Variants in DPP10 observed in about 807,000 individuals in gnomAD.
DPP10 encodes the protein dipeptidyl peptidase like 10, also known as inactive dipeptidyl peptidase 10.
In DPP10, 33 loss-of-function variants were observed where a neutral mutation model predicts 120.9. That is an observed-to-expected ratio of 0.27 (90% CI 0.21 to 0.37). DPP10 has a LOEUF of 0.37. Ranked by LOEUF, DPP10 falls within the 10% of genes least tolerant of loss-of-function variation. The probability of loss-of-function intolerance (pLI) is 1.00; values close to 1 mark genes in which losing one functional copy is unlikely to be tolerated. For missense variants in DPP10, 816 were observed against 942.8 expected (o/e 0.87, Z 1.76); for synonymous variants, 337 against 326.1 (o/e 1.03, Z -0.36).
intron 3 of DPP10, among the ~76,000 whole-genome samples, chr2:115,350,649 T>C (rs1448425222): frequency 6.6e-6 from 1 of 152,102 alleles, no homozygotes; most frequent in Non-Finnish European, 1.5e-5. Context: ...AGAATGAGAA[T>C]GTTCTTAGCA....
At position 115,161,950 on chromosome 2, in the gene DPP10, G is replaced by T. The variant is rs771603033; in HGVS notation, c.61-147289G>T. ...GAGGAAGCGAGCGCCAGCGCGGGCC[G>T]CCGGCGATGACGGCCGCGAAGCAGG... On this transcript the variant is annotated intron_variant, in intron 1 of 25. Coordinates refer to ENST00000410059, the MANE Select transcript of DPP10 (RefSeq NM_020868.6). The T allele has an allele frequency of 3.6e-4, 524 of 1,438,152 alleles. No homozygotes were observed. Among genetic ancestry groups the T allele is most frequent in the Non-Finnish European group, 4.3e-4 (474 of 1,100,918 alleles). 89.1% of individuals were successfully genotyped at this position (1,438,152 alleles called of 1,614,324 possible).
chr2:115,534,060 C>T (rs1349991605), intron 5 of DPP10, among the ~76,000 whole-genome samples: 2 of 151,860 alleles, frequency 1.3e-5, no homozygotes, highest in African/African-American at 4.8e-5. Context: ...ATGTATTTAT[C>T]AATTTATCAC....
intron 5 of DPP10, among the ~76,000 whole-genome samples, chr2:115,528,905 T>A (rs2078292998): frequency 6.6e-6 from 1 of 151,910 alleles, no homozygotes; most frequent in African/African-American, 2.4e-5. Context: ...ACAAGAGGGA[T>A]CTTTGTGGAG....
intron 5 of DPP10, among the ~76,000 whole-genome samples, chr2:115,637,510 G>C (rs977496891): frequency 6.6e-6 from 1 of 152,178 alleles, no homozygotes. Flanking sequence ...AGGTGATAGA[G>C]TAAGATTGGG....
chr2:114,991,227 C>A (rs888288856), intron 1 of DPP10, among the ~76,000 whole-genome samples: 2 of 152,144 alleles, frequency 1.3e-5, no homozygotes, highest in African/African-American at 4.8e-5. Context: ...ACAGCCCTAG[C>A]CAACTGTCCA....
intron 5 of DPP10, among the ~76,000 whole-genome samples, chr2:115,677,390 A>C (rs1381365183): frequency 1.3e-5 from 2 of 148,196 alleles, no homozygotes; most frequent in Non-Finnish European, 3.0e-5. Flanking sequence ...ACTAGAAAAC[A>C]ATGTAAAAAA....
intron 2 of DPP10, among the ~76,000 whole-genome samples, chr2:115,323,655 T>A (rs2062182301): frequency 6.6e-6 from 1 of 152,186 alleles, no homozygotes; most frequent in South Asian, 2.1e-4. Flanking sequence ...AATTACTCCT[T>A]GATCCGTAGG....
At chr2:114,535,421 A>AT (rs1168834978) in intron 1 of DPP10, among the ~76,000 whole-genome samples, 4 of 152,308 alleles carry the variant, frequency 2.6e-5, no homozygotes, top group African/African-American at 9.6e-5. Context: ...CTACCTCGTA[A>AT]TTTCCTTTTT....
At chr2:115,142,910 TG>T (rs35388024) in intron 1 of DPP10, among the ~76,000 whole-genome samples, 1 of 152,068 alleles carries the variant, frequency 6.6e-6, no homozygotes. Context: ...CTGGTGGTGG[TG>T]GGGGTGTCCT....
At chr2:115,217,353 G>A (rs900818247) in intron 1 of DPP10, among the ~76,000 whole-genome samples, 2 of 152,140 alleles carry the variant, frequency 1.3e-5, no homozygotes, top group Non-Finnish European at 2.9e-5. Flanking sequence ...CCTAAAGAGT[G>A]CTCGCCACAT....
At chr2:114,999,458 G>T (rs145045578) in intron 1 of DPP10, among the ~76,000 whole-genome samples, 13 of 152,174 alleles carry the variant, frequency 8.5e-5, no homozygotes, top group African/African-American at 2.9e-4. Flanking sequence ...TCCAACTGAG[G>T]TTTCCTTTTG....
chr2:114,921,143 G>A (rs2106636460), intron 1 of DPP10, among the ~76,000 whole-genome samples: 1 of 152,292 alleles, frequency 6.6e-6, no homozygotes, highest in Admixed American at 6.5e-5. Flanking sequence ...TTCGAACAAA[G>A]AAGAAATGGA....
chr2:115,498,636 G>C (rs1439124802), intron 3 of DPP10, among the ~76,000 whole-genome samples: 1 of 150,562 alleles, frequency 6.6e-6, no homozygotes, highest in Non-Finnish European at 1.5e-5. Context: ...GATTTAAAAA[G>C]AGAACATATT....
intron 1 of DPP10, among the ~76,000 whole-genome samples, chr2:114,467,412 C>T (rs987743291): frequency 7.2e-5 from 11 of 152,220 alleles, no homozygotes; most frequent in African/African-American, 2.6e-4. Flanking sequence ...TTTTTATTTT[C>T]ATGCAATATT....
chr2:114,442,645 GCAGCAGAAGCAA>G lies in DPP10; in HGVS notation c.-127_-116del. 1 of 944,912 alleles carries G rather than the reference GCAGCAGAAGCAA, an allele frequency of 1.1e-6. No individual in the cohort carries two copies. Among genetic ancestry groups the G allele is most frequent in the Non-Finnish European group, 1.6e-6 (1 of 610,920 alleles). The allele number at this position is 944,912 out of a possible 1,614,324, so 58.5% of individuals were successfully genotyped here. On this transcript the variant is annotated 5_prime_UTR_variant, in exon 1 of 26. Transcript: ENST00000410059. ...GAGTGAGGAAGCAGCAGAAACAGAA[GCAGCAGAAGCAA>G]CAGCAGTAGCAGCGGCAGCAGCAAC... is the stretch of plus-strand genomic sequence containing the variant.
rs533889861 is a variant in DPP10, at chr2:115,002,143, A to G, written c.61-307096A>G. ...TGACTTCAAACTATACTACAATGGT[A>G]TAGTAATCAAAACAGCACGGTACTG... On this transcript the variant is annotated intron_variant, in intron 1 of 25. Coordinates refer to ENST00000410059, the MANE Select transcript of DPP10 (RefSeq NM_020868.6). Among the ~76,000 whole-genome samples the G allele has an allele frequency of 6.6e-5, 10 of 152,338 alleles. No individual in the cohort carries two copies. The East Asian group carries it at 1.7e-3, about 26-fold the overall frequency.
intron 19 of DPP10, among the ~76,000 whole-genome samples, chr2:115,794,351 T>C (rs1684311528): frequency 1.3e-5 from 2 of 152,172 alleles, no homozygotes; most frequent in Admixed American, 1.3e-4. Flanking sequence ...TGGAAGAAAG[T>C]GGCCTCTGGC....
intron 1 of DPP10, among the ~76,000 whole-genome samples, chr2:114,554,570 G>T (rs965776221): frequency 3.1e-4 from 47 of 152,216 alleles, no homozygotes; most frequent in African/African-American, 1.1e-3. Flanking sequence ...GGATCAAAAT[G>T]AGGCTCTCAG....
intron 1 of DPP10, among the ~76,000 whole-genome samples, chr2:114,794,233 T>C (rs12711806): frequency 0.98 from 148,778 of 152,248 alleles, 72,779 homozygotes; most frequent in Middle Eastern, 1. Flanking sequence ...TGGTCCAGTC[T>C]CTGAGCCTCC....
Sources: gnomAD v4.1 joint callset for allele counts (sites outside exome capture counted in the v4.1 genomes callset) on GRCh38, gnomAD v4.1.1 for gene constraint, MANE v1.5 for transcripts, NCBI Gene and HGNC (gene_info 2026-07-23, HGNC 2026-07-21) for gene names.